RARA: variants seen among roughly 807,000 people sequenced by gnomAD.
The protein encoded by RARA is PML-DDX5-RARA fusion.
In RARA, 5 loss-of-function variants were observed where a neutral mutation model predicts 42.8. The ratio of observed to expected loss-of-function variants is 0.12; its 90% CI spans 0.06 to 0.25. The LOEUF (loss-of-function observed/expected upper bound fraction) is 0.25. Ranked by LOEUF, RARA falls within the 10% of genes least tolerant of loss-of-function variation. RARA has a pLI of 1.00. For missense variants in RARA, 402 were observed against 628.7 expected (o/e 0.64, Z 3.86); for synonymous variants, 256 against 259.5 (o/e 0.99, Z 0.13).
In RARA at chr17:40,349,847, A is replaced by G. The variant is rs747353115; in HGVS notation, c.391A>G (p.Ile131Val). The G allele has an allele frequency of 1.9e-6, 3 of 1,614,090 alleles. No homozygotes were observed. Among genetic ancestry groups the G allele is most frequent in the Admixed American group, 1.7e-5 (1 of 60,014 alleles). The stretch of plus-strand genomic sequence containing the variant: ...CACGTGTCACCGGGACAAGAACTGC[A>G]TCATCAACAAGGTGACCCGGAACCG... ...VYTCHRDKNCIINKVTRNRCQ... is the reference protein window; with the variant it reads ...VYTCHRDKNCVINKVTRNRCQ... Residue 131 changes from isoleucine to valine, a missense_variant, in exon 4 of 9, where the codon ATC (isoleucine) becomes GTC (valine). Transcript: ENST00000254066.
intron 1 of RARA, among the ~76,000 whole-genome samples, chr17:40,315,597 G>A (rs1006214741): frequency 3.3e-5 from 5 of 152,156 alleles, no homozygotes; most frequent in African/African-American, 1.2e-4. Context: ...CCATGGTCTT[G>A]GAGGGCCAAT....
chr17:40,348,168 G>C (rs2034328936), intron 2 of RARA, 148 bp from the exon 3 acceptor site: 7 of 1,008,226 alleles, frequency 6.9e-6, no homozygotes, highest in African/African-American at 1.7e-5. Context: ...AGTCTGGCTG[G>C]GGAGTCCCAG....
intron 2 of RARA, among the ~76,000 whole-genome samples, chr17:40,340,613 G>T (rs571356267): frequency 2.0e-5 from 3 of 152,114 alleles, no homozygotes; most frequent in Non-Finnish European, 4.4e-5. Flanking sequence ...TTTCTCTTAT[G>T]GTAGGTCTGT....
intron 2 of RARA, among the ~76,000 whole-genome samples, chr17:40,338,155 G>C (rs1379949371): frequency 1.3e-5 from 2 of 152,254 alleles, no homozygotes; most frequent in African/African-American, 4.8e-5. Context: ...TCAGGGCCGA[G>C]GTATTGTGTC....
intron 1 of RARA, chr17:40,318,528 C>G (rs1435696298): frequency 1.3e-5 from 2 of 152,232 alleles, no homozygotes; most frequent in African/African-American, 4.8e-5. Flanking sequence ...CAGATTGGTG[C>G]TGCGGGAGGG....
intron 2 of RARA, among the ~76,000 whole-genome samples, chr17:40,337,571 G>A (rs891796178): frequency 6.6e-6 from 1 of 151,600 alleles, no homozygotes; most frequent in Non-Finnish European, 1.5e-5. Flanking sequence ...CCCTCCCCCC[G>A]ATCTCCAGAC....
chr17:40,355,463 TGG>T lies in RARA; in HGVS notation c.1171+43_1171+44del. 6.4e-7 allele frequency: 1 copy of T among 1,573,654 alleles called. No homozygotes were observed. The highest frequency in any genetic ancestry group is 8.7e-7 in the Non-Finnish European group (1 of 1,155,950). On this transcript the variant is annotated intron_variant, in intron 8 of 8. Transcript: ENST00000254066. This position sits in a 1 kb window ranked among gnomAD's most constrained non-coding sequence, Gnocchi z 4.1. ...TGGAGGGGTACCGGCCCCCGACACC[TGG>T]CCCAGGCCCCCACATCCAAGCCAGC...
Position 40,319,303 on chromosome 17 carries a change from C to T in RARA, c.-363+10017C>T, listed in dbSNP as rs531034616. Among the ~76,000 whole-genome samples the T allele has an allele frequency of 2.2e-4, 33 of 152,134 alleles. No homozygotes were observed. In the East Asian group the frequency reaches 6.4e-3, roughly 29 times the overall value. On this transcript the variant is annotated intron_variant, in intron 1 of 8. Transcript: ENST00000254066. ...CAGTGTGCTAGGGTGGGGATGGGGACCAACTAACCCGGAAACCAGACAGAA... is the reference window on the plus strand; with the variant it reads ...CAGTGTGCTAGGGTGGGGATGGGGATCAACTAACCCGGAAACCAGACAGAA...
chr17:40,351,779 C>T lies in RARA; in HGVS notation c.470-131C>T, dbSNP rs887256848. The T allele has an allele frequency of 2.8e-5, 34 of 1,223,564 alleles. No individual in the cohort carries two copies. The highest frequency in any genetic ancestry group is 7.7e-5 in the African/African-American group (5 of 64,696). The allele number at this position is 1,223,564 out of a possible 1,614,324, so 75.8% of individuals were successfully genotyped here. A position where few individuals can be genotyped will look rare whatever the true frequency, so the allele number is the denominator to read the frequency against. On this transcript the variant is annotated intron_variant, in intron 4 of 8. Transcript: ENST00000254066. The surrounding 1 kb of genome is among the most constrained non-coding windows in gnomAD (Gnocchi z 4.1). Reference sequence around the variant, plus strand: ...TGGCAATGCCTTGCCTGCCCGTGAACGCGTGCTGTGTGCGCGTGCTTACAA... The same window carrying T: ...TGGCAATGCCTTGCCTGCCCGTGAATGCGTGCTGTGTGCGCGTGCTTACAA...
chr17:40,325,758 C>T (rs1440539067), intron 1 of RARA, among the ~76,000 whole-genome samples: 1 of 152,188 alleles, frequency 6.6e-6, no homozygotes, highest in Non-Finnish European at 1.5e-5. Context: ...TTCTTTTAAG[C>T]TCCCCAATAC....
At chr17:40,327,067 T>C (rs2033567080) in intron 1 of RARA, among the ~76,000 whole-genome samples, 1 of 151,850 alleles carries the variant, frequency 6.6e-6, no homozygotes, top group African/African-American at 2.4e-5. Flanking sequence ...CTGATAGGGG[T>C]CTGGGGAGGC....
At chr17:40,353,261 C>G (rs757464208) in intron 6 of RARA, among the ~76,000 whole-genome samples, 76 of 150,274 alleles carry the variant, frequency 5.1e-4, no homozygotes, top group Non-Finnish European at 9.3e-4. Context: ...GAGGTGAGCC[C>G]GAGGGTAGAC....
chr17:40,315,424 T>G (rs1382814120), intron 1 of RARA, among the ~76,000 whole-genome samples: 1 of 151,962 alleles, frequency 6.6e-6, no homozygotes, highest in East Asian at 1.9e-4. Flanking sequence ...CCTCAGTTTT[T>G]TCATCTCTAC....
intron 2 of RARA, among the ~76,000 whole-genome samples, chr17:40,338,570 C>T (rs934038368): frequency 6.6e-6 from 1 of 152,000 alleles, no homozygotes; most frequent in Non-Finnish European, 1.5e-5. Context: ...TGGCTGGGCA[C>T]GGTGGCTCAC....
In RARA at chr17:40,356,667, G is replaced by T. The variant is rs375909325; in HGVS notation, c.*441G>T. On this transcript the variant is annotated 3_prime_UTR_variant, in exon 9 of 9. Coordinates refer to ENST00000254066, the MANE Select transcript of RARA (RefSeq NM_000964.4). ...CCTCGGTTGGTGACAGAGGGGGTGG[G>T]ACAGGGGCGGGGGGTTCCCCCTGTA... The T allele has an allele frequency of 2.1e-3, 1,092 of 529,750 alleles. 11 individuals are homozygous for T. The East Asian group carries it at 0.023, about 11-fold the overall frequency. 32.8% of individuals were successfully genotyped at this position (529,750 alleles called of 1,614,324 possible).
intron 1 of RARA, among the ~76,000 whole-genome samples, chr17:40,315,161 T>TACACACACAC (rs1481244469): frequency 8.8e-5 from 11 of 125,174 alleles, no homozygotes; most frequent in African/African-American, 3.6e-4. Flanking sequence ...TATATATATA[T>TACACACACAC]ATATATATAT....
At chr17:40,311,818 G>A (rs895470749) in intron 1 of RARA, among the ~76,000 whole-genome samples, 3 of 152,138 alleles carry the variant, frequency 2.0e-5, no homozygotes, top group African/African-American at 7.2e-5. Context: ...GGTGGGACAG[G>A]GGTGGGGGCA....
intron 1 of RARA, among the ~76,000 whole-genome samples, chr17:40,315,165 T>TACACAC (rs1567743130): frequency 1.6e-5 from 2 of 121,426 alleles, no homozygotes; most frequent in African/African-American, 8.0e-5. Context: ...TATATATATA[T>TACACAC]ATATATACAC....
At chr17:40,331,512 G>A (rs998256398) in intron 2 of RARA, 116 bp downstream of exon 2, 14 of 1,256,440 alleles carry the variant, frequency 1.1e-5, no homozygotes, top group Middle Eastern at 2.1e-4. Flanking sequence ...TGAGCGACAA[G>A]GTCTTCTCCA....
Sources: allele counts gnomAD v4.1 joint callset (sites outside exome capture counted in the v4.1 genomes callset), GRCh38; gene constraint gnomAD v4.1.1; non-coding constraint Gnocchi (gnomAD v3.1); transcripts MANE v1.5; gene names NCBI Gene and HGNC (gene_info 2026-07-23, HGNC 2026-07-21).